Variants in SLC36A1 observed in about 807,000 individuals in gnomAD.
SLC36A1 encodes solute carrier family 36 member 1.
SLC36A1 carries 30 observed loss-of-function variants against 47.5 expected under a neutral mutation model. The observed-to-expected ratio is 0.63, with a 90% CI of 0.47 to 0.86. The LOEUF (loss-of-function observed/expected upper bound fraction) is 0.86, where lower values mean the gene tolerates loss of function less well. Among genes scored for constraint, SLC36A1 ranks in the 40% least tolerant of loss-of-function variants. SLC36A1 has a pLI of 0.00. For missense variants in SLC36A1, 517 were observed against 606.0 expected (o/e 0.85, Z 1.54); for synonymous variants, 255 against 249.7 (o/e 1.02, Z -0.20).
chr5:151,387,363 C>T, the SLC36A1 span: 1 of 152,230 alleles, frequency 6.6e-6, no homozygotes, highest in Non-Finnish European at 1.5e-5. Flanking sequence ...GTTAAAATTG[C>T]TTCCAATAAC....
chr5:151,473,714 G>A lies in SLC36A1; in HGVS notation c.765G>A (p.Trp255Ter). Residue 255 changes from tryptophan to a stop codon, truncating the protein, a stop_gained, in exon 8 of 11, where the codon TGG becomes TGA. Transcript: ENST00000243389. LOFTEE classifies it high-confidence loss of function. ...DPSHLPLVAPWKTYPLFFGTA... is the reference protein window; with the variant it reads ...DPSHLPLVAP ...GCCACCTCCCCTTGGTGGCCCCTTG[G>A]AAGACCTACCCTCTCTTCTTTGGCA... 1 of 1,614,040 alleles carries A rather than the reference G, an allele frequency of 6.2e-7. No homozygotes were observed. The highest frequency in any genetic ancestry group is 8.5e-7 in the Non-Finnish European group (1 of 1,179,970).
At chr5:151,385,721 C>G in the SLC36A1 span, among the ~76,000 whole-genome samples, 2 of 151,914 alleles carry the variant, frequency 1.3e-5, no homozygotes, top group Non-Finnish European at 2.9e-5. Flanking sequence ...AACAATAAAA[C>G]AAAACAATAA....
At chr5:151,383,918 G>T in the SLC36A1 span, among the ~76,000 whole-genome samples, 1 of 152,076 alleles carries the variant, frequency 6.6e-6, no homozygotes, top group African/African-American at 2.4e-5. Context: ...TTTAAGGTAC[G>T]TTATTGGTAT....
the SLC36A1 span, among the ~76,000 whole-genome samples, chr5:151,424,504 C>A: frequency 5.3e-5 from 8 of 152,136 alleles, no homozygotes; most frequent in Non-Finnish European, 1.0e-4. Flanking sequence ...ACATGTATAA[C>A]CTTGTCTGCT....
chr5:151,355,115 G>C, the SLC36A1 span, among the ~76,000 whole-genome samples: 1 of 152,040 alleles, frequency 6.6e-6, no homozygotes, highest in Non-Finnish European at 1.5e-5. Context: ...CATGAGTGAG[G>C]TGTAATAAAA....
At chr5:151,495,916 C>T (rs575593492), downstream of SLC36A1, among the ~76,000 whole-genome samples, 1 of 152,216 alleles carries the variant, frequency 6.6e-6, no homozygotes, top group Admixed American at 6.5e-5. Context: ...CCTTCAGTCA[C>T]TGAAAGAAAT....
the SLC36A1 span, among the ~76,000 whole-genome samples, chr5:151,399,823 G>A: frequency 2.0e-5 from 3 of 152,102 alleles, no homozygotes; most frequent in African/African-American, 7.2e-5. Flanking sequence ...AGCATATTCT[G>A]CATACACATA....
chr5:151,460,258 T>C (rs1755316175), intron 2 of SLC36A1, among the ~76,000 whole-genome samples: 1 of 148,932 alleles, frequency 6.7e-6, no homozygotes, highest in African/African-American at 2.4e-5. Flanking sequence ...GTAGTTTCCT[T>C]TGCAGTTTTT....
chr5:151,548,627 C>T, the SLC36A1 span, among the ~76,000 whole-genome samples: 2 of 152,100 alleles, frequency 1.3e-5, no homozygotes, highest in South Asian at 2.1e-4. Context: ...ATTACAGGTG[C>T]ATGTCACCAT....
the SLC36A1 span, chr5:151,542,698 A>T: frequency 2.5e-5 from 41 of 1,614,110 alleles, no homozygotes; most frequent in Non-Finnish European, 3.5e-5. Flanking sequence ...CCCCACTGGC[A>T]TATTCTCAGT....
chr5:151,527,454 T>A, the SLC36A1 span: 1 of 1,394,116 alleles, frequency 7.2e-7, no homozygotes, highest in South Asian at 1.6e-5. Flanking sequence ...ATCACTAATA[T>A]TTTCAAAAAA....
Position 151,488,392 on chromosome 5 carries a change from A to G in SLC36A1, c.*138A>G. The G allele has an allele frequency of 8.6e-7, 1 of 1,162,598 alleles. No individual in the cohort carries two copies. The highest frequency in any genetic ancestry group is 1.6e-5 in the South Asian group (1 of 62,494). The allele number at this position is 1,162,598 out of a possible 1,614,324, so 72.0% of individuals were successfully genotyped here. A position where few individuals can be genotyped will look rare whatever the true frequency, so the allele number is the denominator to read the frequency against. Reference sequence around the variant, plus strand: ...GGGAACCCCTCTGCCTGGCACCTGGATACCCTGGGCCAGGTAACCTGAGGG... The same window carrying G: ...GGGAACCCCTCTGCCTGGCACCTGGGTACCCTGGGCCAGGTAACCTGAGGG... On this transcript the variant is annotated 3_prime_UTR_variant, in exon 11 of 11. Transcript: ENST00000243389.
the SLC36A1 span, among the ~76,000 whole-genome samples, chr5:151,518,374 A>ATTATTATTATT: frequency 1.7e-4 from 25 of 147,412 alleles, no homozygotes; most frequent in Middle Eastern, 3.5e-3. Context: ...TAATAATAAT[A>ATTATTATTATT]ATTTTTAAAA....
At chr5:151,551,754 G>A in the SLC36A1 span, 3 of 656,662 alleles carry the variant, frequency 4.6e-6, no homozygotes, top group Non-Finnish European at 4.8e-6. Context: ...TATTCTCCCA[G>A]GGAGTCCCAA....
At position 151,476,686 on chromosome 5, in the gene SLC36A1, G is replaced by A. The variant is rs1243337568; in HGVS notation, c.919G>A (p.Gly307Arg). ...CGTCACCATCCTCTACATCAGCCTG[G>A]GGTGTCTGGGGTACCTGCAATTTGG... ...VIVTILYISL[G>R]CLGYLQFGAN... The change falls in exon 9 of 11, where the codon GGG becomes AGG. Residue 307 changes from glycine to arginine, a missense_variant. Coordinates refer to ENST00000243389, the MANE Select transcript of SLC36A1 (RefSeq NM_078483.4). 3 of 1,613,528 alleles carry A rather than the reference G, an allele frequency of 1.9e-6. No homozygotes were observed. Among genetic ancestry groups the A allele is most frequent in the Admixed American group, 1.7e-5 (1 of 59,968 alleles).
intron 1 of SLC36A1, among the ~76,000 whole-genome samples, chr5:151,440,646 T>G (rs1411534821): frequency 6.6e-6 from 1 of 151,894 alleles, no homozygotes; most frequent in African/African-American, 2.4e-5. Flanking sequence ...CCCTAATATC[T>G]CTCAGCAGCA....
the SLC36A1 span, among the ~76,000 whole-genome samples, chr5:151,364,901 A>G: frequency 6.6e-6 from 1 of 152,160 alleles, no homozygotes; most frequent in Non-Finnish European, 1.5e-5. Flanking sequence ...AGGTTAGTTC[A>G]TCTGGGTTTA....
chr5:151,550,940 C>G, the SLC36A1 span: 2 of 1,464,312 alleles, frequency 1.4e-6, no homozygotes, highest in Admixed American at 1.8e-5. Context: ...TCTGTCTGGA[C>G]CTCCCTGTAT....
chr5:151,404,029 C>T, the SLC36A1 span, among the ~76,000 whole-genome samples: 2,947 of 152,228 alleles, frequency 0.019, 114 homozygotes, highest in African/African-American at 0.068. Context: ...TAAAGACTCC[C>T]ACTATTACTG....
Sources: allele counts gnomAD v4.1 joint callset (sites outside exome capture counted in the v4.1 genomes callset), GRCh38; gene constraint gnomAD v4.1.1; transcripts MANE v1.5; gene names NCBI Gene and HGNC (gene_info 2026-07-23, HGNC 2026-07-21).